The following PPP2R5E variants were observed in gnomAD, a reference collection of about 807,000 sequenced individuals.
PPP2R5E encodes the protein protein phosphatase 2 regulatory subunit B'epsilon, also known as serine/threonine-protein phosphatase 2A 56 kDa regulatory subunit epsilon isoform.
PPP2R5E carries 4 observed loss-of-function variants against 65.3 expected under a neutral mutation model. That is an observed-to-expected ratio of 0.06 (90% confidence interval 0.03 to 0.14). The LOEUF (loss-of-function observed/expected upper bound fraction) is 0.14, where lower values mean the gene tolerates loss of function less well. PPP2R5E is among the 10% of genes least tolerant of loss of function. The pLI, the probability that PPP2R5E is intolerant of heterozygous loss-of-function variation, is 1.00. For missense variants in PPP2R5E, 274 were observed against 556.1 expected, an observed-to-expected ratio of 0.49 and a Z score of 5.10; for synonymous variants, 183 against 187.4, an observed-to-expected ratio of 0.98 and a Z score of 0.19.
At chr14:63,431,763 G>T (rs540617091) in intron 3 of PPP2R5E, among the ~76,000 whole-genome samples, 1 of 152,064 alleles carries the variant, frequency 6.6e-6, no homozygotes, top group South Asian at 2.1e-4. Flanking sequence ...CTAGAAATCC[G>T]GAAGAGGATT....
At chr14:63,468,641 A>G (rs1889959735) in intron 2 of PPP2R5E, among the ~76,000 whole-genome samples, 3 of 152,210 alleles carry the variant, frequency 2.0e-5, no homozygotes, top group Non-Finnish European at 4.4e-5. Context: ...GGTCTCACAC[A>G]TCAAGGCTTC....
At chr14:63,398,223 T>C (rs1885526245) in intron 5 of PPP2R5E, among the ~76,000 whole-genome samples, 1 of 152,020 alleles carries the variant, frequency 6.6e-6, no homozygotes, top group Non-Finnish European at 1.5e-5. Flanking sequence ...AGCTGCTTTG[T>C]TTTTGTATCA....
In PPP2R5E at chr14:63,373,445, TCA is replaced by T. The variant is rs1389120613; in HGVS notation, c.*2562_*2563del. 6.6e-6 allele frequency: 1 copy of T among 152,230 alleles called. No homozygotes were observed. The highest frequency in any genetic ancestry group is 1.5e-5 in the Non-Finnish European group (1 of 68,044). The allele number at this position is 152,230 out of a possible 1,614,324, so 9.4% of individuals were successfully genotyped here. A position where few individuals can be genotyped will look rare whatever the true frequency, so the allele number is the denominator to read the frequency against. On this transcript the variant is annotated 3_prime_UTR_variant, in exon 14 of 14. Coordinates refer to ENST00000337537, the MANE Select transcript of PPP2R5E (RefSeq NM_006246.5). ...CACATAGTGCAACAGTCAGATTACC[TCA>T]GTTACTCTGCGTCACCGCACACAAC...
rs963996549 is a variant in PPP2R5E, at chr14:63,499,664, T to C, written c.157+39865A>G. 3.2e-4 allele frequency among the ~76,000 whole-genome samples: 49 copies of C among 151,722 alleles called. 1 individual carries two copies. The highest frequency in any genetic ancestry group is 1.2e-3 in the African/African-American group (49 of 41,370). The stretch of plus-strand genomic sequence containing the variant: ...ATCACTTGGACCTGGGAGGCAGAGG[T>C]TGTACTGAGCTGAGATCGCACCACT... On this transcript the variant is annotated intron_variant, in intron 2 of 13. Coordinates refer to ENST00000337537, the MANE Select transcript of PPP2R5E (RefSeq NM_006246.5).
chr14:63,420,599 C>A lies in PPP2R5E; in HGVS notation c.456+1394G>T, dbSNP rs1473508912. ...CCCCCAAAAGCTCTCTACGTAACAA[C>A]GGGAAATAGCACACGTGTGTACTTG... On this transcript the variant is annotated intron_variant, in intron 4 of 13. Transcript: ENST00000337537. Among the ~76,000 whole-genome samples, 4 of 152,140 alleles carry A rather than the reference C, an allele frequency of 2.6e-5. No homozygotes were observed. In the South Asian group the frequency reaches 6.2e-4, roughly 24 times the overall value.
chr14:63,410,835 C>T (rs977515420), intron 5 of PPP2R5E, among the ~76,000 whole-genome samples: 1 of 152,170 alleles, frequency 6.6e-6, no homozygotes, highest in African/African-American at 2.4e-5. Flanking sequence ...TCTGCCAATA[C>T]CCCTGCTTGC....
At chr14:63,444,639 T>C (rs1057167946) in intron 3 of PPP2R5E, among the ~76,000 whole-genome samples, 1 of 151,542 alleles carries the variant, frequency 6.6e-6, no homozygotes, top group East Asian at 1.9e-4. Flanking sequence ...ATAAACAATA[T>C]AAAATACACA....
chr14:63,430,381 A>G (rs201866211), intron 3 of PPP2R5E, among the ~76,000 whole-genome samples: 85 of 133,038 alleles, frequency 6.4e-4, no homozygotes, highest in African/African-American at 1.9e-3. Flanking sequence ...ATGCATGCAT[A>G]CATACATACA....
At chr14:63,402,926 T>C (rs1220996247) in intron 5 of PPP2R5E, among the ~76,000 whole-genome samples, 3 of 152,076 alleles carry the variant, frequency 2.0e-5, no homozygotes, top group Admixed American at 1.3e-4. Context: ...TGAACAAAGA[T>C]CCACACCAAA....
intron 2 of PPP2R5E, among the ~76,000 whole-genome samples, chr14:63,477,742 T>C (rs1281251384): frequency 1.3e-5 from 2 of 151,976 alleles, no homozygotes; most frequent in Non-Finnish European, 2.9e-5. Flanking sequence ...AGGATCTTAC[T>C]GAAAAAGCTC....
intron 2 of PPP2R5E, among the ~76,000 whole-genome samples, chr14:63,463,554 G>A (rs1014362438): frequency 7.3e-5 from 11 of 150,976 alleles, no homozygotes; most frequent in Admixed American, 2.6e-4. Flanking sequence ...TTAATATCCA[G>A]TAAGGTAATG....
chr14:63,488,582 G>A lies in PPP2R5E; in HGVS notation c.158-34697C>T, dbSNP rs537931311. ...CCCAAAAAAGGGCCAAGCATTGTGG[G>A]TCATGCCTGTAATCCCAGCACTTTG... On this transcript the variant is annotated intron_variant, in intron 2 of 13. Transcript: ENST00000337537. Among the ~76,000 whole-genome samples the A allele has an allele frequency of 5.9e-5, 9 of 152,056 alleles. No homozygotes were observed. In the South Asian group the frequency reaches 1.9e-3, roughly 32 times the overall value.
At chr14:63,438,453 C>T (rs529421900) in intron 3 of PPP2R5E, among the ~76,000 whole-genome samples, 1 of 152,258 alleles carries the variant, frequency 6.6e-6, no homozygotes, top group East Asian at 1.9e-4. Flanking sequence ...ACCTTTAAAC[C>T]ACATTTTCAG....
rs1397009927 is a variant in PPP2R5E at position 63,372,592 on chromosome 14, AC to A, written c.*3416del. 6.6e-6 allele frequency: 1 copy of A among 151,878 alleles called. No individual in the cohort carries two copies. Among genetic ancestry groups the A allele is most frequent in the Non-Finnish European group, 1.5e-5 (1 of 68,004 alleles). The allele number at this position is 151,878 out of a possible 1,614,324, so 9.4% of individuals were successfully genotyped here. A position where few individuals can be genotyped will look rare whatever the true frequency, so the allele number is the denominator to read the frequency against. ...AAACAAGGAAAAAAAACCACCCCAA[AC>A]CCCAAAAAACTCTAAACACTTAAAA... On this transcript the variant is annotated 3_prime_UTR_variant, in exon 14 of 14. Coordinates refer to ENST00000337537, the MANE Select transcript of PPP2R5E (RefSeq NM_006246.5).
intron 2 of PPP2R5E, among the ~76,000 whole-genome samples, chr14:63,474,222 TG>T (rs1890280513): frequency 6.6e-6 from 1 of 152,078 alleles, no homozygotes; most frequent in South Asian, 2.1e-4. Flanking sequence ...GAAACTACTC[TG>T]GGGGGAGAAT....
intron 2 of PPP2R5E, among the ~76,000 whole-genome samples, chr14:63,536,650 A>G (rs1893675989): frequency 6.6e-6 from 1 of 152,256 alleles, no homozygotes; most frequent in African/African-American, 2.4e-5. Flanking sequence ...AATGGATTAA[A>G]AAGTATATGG....
intron 2 of PPP2R5E, among the ~76,000 whole-genome samples, chr14:63,466,445 A>C (rs10146848): frequency 0.3 from 45,533 of 151,926 alleles, 8,500 homozygotes; most frequent in African/African-American, 0.53. Context: ...AAAGAGTGTA[A>C]ATTTATAATT....
chr14:63,519,026 C>A (rs2139717800), intron 2 of PPP2R5E, among the ~76,000 whole-genome samples: 1 of 152,282 alleles, frequency 6.6e-6, no homozygotes, highest in East Asian at 1.9e-4. Context: ...CGAGACCAGC[C>A]TAACATGGAG....
chr14:63,457,299 G>T (rs889602392), intron 2 of PPP2R5E, among the ~76,000 whole-genome samples: 3 of 152,098 alleles, frequency 2.0e-5, no homozygotes, highest in African/African-American at 4.8e-5. Context: ...AGCAGTCCCT[G>T]AAGTAGATCC....
Sources: allele counts gnomAD v4.1 joint callset (sites outside exome capture counted in the v4.1 genomes callset), GRCh38; gene constraint gnomAD v4.1.1; transcripts MANE v1.5; gene names NCBI Gene and HGNC (gene_info 2026-07-23, HGNC 2026-07-21).